The following ACOXL variants were observed in gnomAD, a reference collection of about 807,000 sequenced individuals.
The protein encoded by ACOXL is acyl-coenzyme A oxidase-like protein.
A neutral mutation model predicts 71.9 loss-of-function variants in ACOXL; 70 were observed. The ratio of observed to expected loss-of-function variants is 0.97; its 90% CI spans 0.80 to 1.19. The LOEUF is 1.19. Ranked by LOEUF, ACOXL falls within the 50% of genes most tolerant of loss-of-function variation. The pLI, the probability that ACOXL is intolerant of heterozygous loss-of-function variation, is 0.00. For synonymous variants in ACOXL, 253 were observed against 281.6 expected (o/e 0.90, Z 1.02); for missense variants, 703 against 736.3 (o/e 0.95, Z 0.52).
At chr2:111,058,265 G>C (rs1211744245) in intron 16 of ACOXL, among the ~76,000 whole-genome samples, 1 of 152,224 alleles carries the variant, frequency 6.6e-6, no homozygotes. Context: ...GTTCCCAGGA[G>C]ACATCTCTTT....
At chr2:110,955,749 C>T (rs914110678) in intron 12 of ACOXL, among the ~76,000 whole-genome samples, 1 of 151,982 alleles carries the variant, frequency 6.6e-6, no homozygotes, top group Non-Finnish European at 1.5e-5. Flanking sequence ...ACAGGCTGCT[C>T]TCTCAGCTGG....
intron 5 of ACOXL, among the ~76,000 whole-genome samples, chr2:110,795,186 G>A (rs1474949394): frequency 6.6e-6 from 1 of 152,190 alleles, no homozygotes; most frequent in Non-Finnish European, 1.5e-5. Flanking sequence ...GTTTGTCCTT[G>A]AGCAGGTGGA....
At chr2:111,107,146 G>A (rs2069597638) in intron 17 of ACOXL, among the ~76,000 whole-genome samples, 1 of 152,226 alleles carries the variant, frequency 6.6e-6, no homozygotes, top group Non-Finnish European at 1.5e-5. Context: ...GAGGTTGGGG[G>A]CATGGAATGC....
chr2:110,974,265 G>A (rs1366416334), intron 12 of ACOXL, among the ~76,000 whole-genome samples: 1 of 152,216 alleles, frequency 6.6e-6, no homozygotes, highest in Non-Finnish European at 1.5e-5. Context: ...ATTACCTACA[G>A]TGCTTTCAGC....
chr2:111,004,873 G>GT (rs372868809), intron 14 of ACOXL, among the ~76,000 whole-genome samples: 4 of 152,228 alleles, frequency 2.6e-5, no homozygotes, highest in African/African-American at 9.6e-5. Context: ...TGTTTGTTAG[G>GT]TTTTTACAAA....
At chr2:110,950,152 A>T (rs1376779393) in intron 12 of ACOXL, among the ~76,000 whole-genome samples, 2 of 152,148 alleles carry the variant, frequency 1.3e-5, no homozygotes, top group Admixed American at 6.5e-5. Flanking sequence ...GCATTAGGAG[A>T]TATACCTAAT....
chr2:110,986,747 A>C (rs565994882), intron 12 of ACOXL, among the ~76,000 whole-genome samples: 30 of 152,344 alleles, frequency 2.0e-4, no homozygotes, highest in Admixed American at 5.2e-4. Flanking sequence ...TGACCAGAGA[A>C]TGTCAGGGGT....
At chr2:110,956,363 A>C (rs1318247321) in intron 12 of ACOXL, among the ~76,000 whole-genome samples, 1 of 151,478 alleles carries the variant, frequency 6.6e-6, no homozygotes, top group African/African-American at 2.4e-5. Context: ...CCATGAAGGA[A>C]CTCTTTTCTG....
At chr2:110,929,302 G>A (rs1327511259) in intron 11 of ACOXL, among the ~76,000 whole-genome samples, 2 of 152,188 alleles carry the variant, frequency 1.3e-5, no homozygotes, top group Admixed American at 6.5e-5. Flanking sequence ...CTCTTTCTAT[G>A]TTTTAGCAAA....
intron 9 of ACOXL, among the ~76,000 whole-genome samples, chr2:110,833,632 T>G (rs896054749): frequency 6.6e-6 from 1 of 152,180 alleles, no homozygotes; most frequent in Non-Finnish European, 1.5e-5. Context: ...TAGACCTGCA[T>G]GCGAATCTAC....
chr2:111,017,530 A>G (rs6738187), intron 14 of ACOXL, among the ~76,000 whole-genome samples: 22,407 of 152,220 alleles, frequency 0.15, 2,201 homozygotes, highest in East Asian at 0.31. Context: ...GGGAGGAGGC[A>G]TTTAGAACCA....
intron 1 of ACOXL, among the ~76,000 whole-genome samples, chr2:110,757,061 C>A (rs77945874): frequency 1.2e-4 from 19 of 152,144 alleles, no homozygotes; most frequent in Non-Finnish European, 1.8e-4. Flanking sequence ...TCCAACCCCC[C>A]CCAAGACAGG....
chr2:110,804,263 A>G (rs867563549), intron 8 of ACOXL, among the ~76,000 whole-genome samples: 1 of 152,194 alleles, frequency 6.6e-6, no homozygotes, highest in Admixed American at 6.5e-5. Flanking sequence ...CTAGGATTAC[A>G]GGCATAAGTC....
intron 17 of ACOXL, among the ~76,000 whole-genome samples, chr2:111,112,688 G>A (rs1400421079): frequency 6.6e-6 from 1 of 152,222 alleles, no homozygotes; most frequent in Non-Finnish European, 1.5e-5. Flanking sequence ...CACCAGTCAC[G>A]ATTTGCCAGT....
rs17041840 is a variant in ACOXL, at chr2:111,067,622, G to C, written c.1440+18334G>C. Among the ~76,000 whole-genome samples, 705 of 152,300 alleles carry C rather than the reference G, an allele frequency of 4.6e-3. 3 individuals are homozygous for C. The highest frequency in any genetic ancestry group is 0.016 in the African/African-American group (674 of 41,554). ...CTAGAGACTAATAAGTAATATGGAA[G>C]AGTATTCTGTCACATTATTTACAGC... On this transcript the variant is annotated intron_variant, in intron 16 of 17. Transcript: ENST00000439055.
At chr2:111,043,491 C>T (rs6717763) in intron 15 of ACOXL, among the ~76,000 whole-genome samples, 41,433 of 151,932 alleles carry the variant, frequency 0.27, 5,863 homozygotes, top group Middle Eastern at 0.32. Flanking sequence ...GAGCTGAGAG[C>T]GCCGCAGTCA....
At chr2:111,013,702 C>T (rs1362032146) in intron 14 of ACOXL, among the ~76,000 whole-genome samples, 2 of 151,954 alleles carry the variant, frequency 1.3e-5, no homozygotes, top group African/African-American at 4.8e-5. Flanking sequence ...AAAGAAAGCT[C>T]CAGGTCCAGA....
chr2:111,028,383 C>T (rs1031742382), intron 14 of ACOXL, among the ~76,000 whole-genome samples: 3 of 151,804 alleles, frequency 2.0e-5, no homozygotes, highest in Non-Finnish European at 2.9e-5. Context: ...AAGCAATCCT[C>T]CCACCTCAGC....
At chr2:110,793,803 C>A in intron 4 of ACOXL, 67 bp downstream of exon 4, 1 of 1,237,530 alleles carries the variant, frequency 8.1e-7, no homozygotes. Context: ...GATAGATATG[C>A]ATGTGTGTAT....
Sources: allele counts gnomAD v4.1 joint callset (sites outside exome capture counted in the v4.1 genomes callset), GRCh38; gene constraint gnomAD v4.1.1; transcripts MANE v1.5; gene names NCBI Gene and HGNC (gene_info 2026-07-23, HGNC 2026-07-21).